ECT2: variants seen among roughly 807,000 people sequenced by gnomAD.
ECT2 encodes the protein epithelial cell transforming 2.
In ECT2, 61 loss-of-function variants were observed where a neutral mutation model predicts 116.9. The observed-to-expected ratio is 0.52, with a 90% confidence interval of 0.42 to 0.65. The LOEUF is 0.65. Among genes scored for constraint, ECT2 ranks in the 30% least tolerant of loss-of-function variants. The pLI is 0.00. For synonymous variants in ECT2, 358 were observed against 346.4 expected, an observed-to-expected ratio of 1.03 and a Z score of -0.37; for missense variants, 937 against 1,078.7, an observed-to-expected ratio of 0.87 and a Z score of 1.84.
At chr3:172,828,776 C>T in the ECT2 span, 2 of 636,036 alleles carry the variant, frequency 3.1e-6, no homozygotes, top group Non-Finnish European at 5.7e-6. Context: ...AACAGAAGAA[C>T]CCCCCATGGC....
Position 172,760,235 on chromosome 3 carries a change from C to T in ECT2, c.656C>T (p.Ala219Val). 1 of 1,611,050 alleles carries T rather than the reference C, an allele frequency of 6.2e-7. No homozygotes were observed. The highest frequency in any genetic ancestry group is 8.5e-7 in the Non-Finnish European group (1 of 1,178,334). ...DFNSKVTHLV[A>V]NCTQGEKFRV... ...AATTCAAAAGTTACACATTTGGTGG[C>T]AAATTGTACACAAGGAGAAAAATTC... The change falls in exon 7 of 25, where the codon GCA (alanine) becomes GTA (valine). Residue 219 changes from alanine (A) to valine (V), a missense_variant. By Grantham distance (64) the Ala-to-Val change is moderately conservative. Coordinates refer to ENST00000392692, the MANE Select transcript of ECT2 (RefSeq NM_001258315.2).
chr3:172,783,664 A>T (rs888273412), intron 15 of ECT2, 135 bp from the exon 16 acceptor site: 3 of 604,950 alleles, frequency 5.0e-6, no homozygotes, highest in East Asian at 6.5e-5. Flanking sequence ...GTTTGTTCTC[A>T]AACATAGAAA....
chr3:172,800,745 T>C (rs1420258278), intron 18 of ECT2, among the ~76,000 whole-genome samples: 2 of 152,192 alleles, frequency 1.3e-5, no homozygotes, highest in Non-Finnish European at 2.9e-5. Flanking sequence ...TGACCACTGC[T>C]TCCTTTTTCT....
intron 8 of ECT2, 68 bp from the exon 9 acceptor site, chr3:172,762,348 G>C (rs554678547): frequency 2.7e-6 from 4 of 1,467,612 alleles, no homozygotes; most frequent in African/African-American, 2.9e-5. Flanking sequence ...CTGTAGGTTT[G>C]TAAATTGATA....
intron 14 of ECT2, among the ~76,000 whole-genome samples, chr3:172,777,742 T>C (rs1721998543): frequency 6.6e-6 from 1 of 152,100 alleles, no homozygotes; most frequent in Admixed American, 6.6e-5. Context: ...CTACAAAAAA[T>C]GCAAAAATTA....
chr3:172,816,938 A>G, intron 24 of ECT2, 101 bp downstream of exon 24: 1 of 937,644 alleles, frequency 1.1e-6, no homozygotes, highest in Non-Finnish European at 1.5e-6. Context: ...ATTTTAAAAA[A>G]ATTTTAATAA....
At chr3:172,822,825 C>G (rs1730742884), downstream of ECT2, among the ~76,000 whole-genome samples, 1 of 151,838 alleles carries the variant, frequency 6.6e-6, no homozygotes, top group African/African-American at 2.4e-5. Context: ...CAGAAAATTA[C>G]CCTCACAAAC....
intron 4 of ECT2, 83 bp downstream of exon 4, chr3:172,755,658 C>T: frequency 1.4e-6 from 1 of 739,788 alleles, no homozygotes; most frequent in Non-Finnish European, 2.1e-6. Flanking sequence ...TGGAATTAGG[C>T]ACAAGGTGTA....
At chr3:172,793,309 C>T (rs987007305) in intron 18 of ECT2, among the ~76,000 whole-genome samples, 12 of 151,594 alleles carry the variant, frequency 7.9e-5, no homozygotes, top group African/African-American at 2.7e-4. Flanking sequence ...GGATTACAGG[C>T]ACGTGCCACC....
At chr3:172,815,792 C>A in intron 23 of ECT2, 81 bp downstream of exon 23, 1 of 888,310 alleles carries the variant, frequency 1.1e-6, no homozygotes, top group Non-Finnish European at 1.8e-6. Context: ...CTGCAAACAC[C>A]AGTATAAAGA....
In ECT2 at chr3:172,790,178, A is replaced by C. The variant is rs533593177; in HGVS notation, c.1907+3604A>C. Among the ~76,000 whole-genome samples the C allele has an allele frequency of 1.6e-4, 25 of 152,224 alleles. 1 individual carries two copies. Among genetic ancestry groups the C allele is most frequent in the Admixed American group, 1.6e-3 (24 of 15,284 alleles). Reference sequence around the variant, plus strand: ...TCATGCTCAGCTTCACCTGCCCGACATATGGTCTTAAATGGCAACCCAGAT... The same window carrying C: ...TCATGCTCAGCTTCACCTGCCCGACCTATGGTCTTAAATGGCAACCCAGAT... On this transcript the variant is annotated intron_variant, in intron 18 of 24. Transcript: ENST00000392692.
At chr3:172,810,136 C>T (rs1226841846) in intron 22 of ECT2, among the ~76,000 whole-genome samples, 2 of 152,064 alleles carry the variant, frequency 1.3e-5, no homozygotes, top group African/African-American at 2.4e-5. Flanking sequence ...GATTTCTGAC[C>T]TCTAATGTCA....
intron 13 of ECT2, among the ~76,000 whole-genome samples, chr3:172,772,023 T>A (rs981360908): frequency 2.0e-5 from 3 of 152,186 alleles, no homozygotes; most frequent in African/African-American, 7.2e-5. Flanking sequence ...TGAGATAGGG[T>A]CTCACTCTGT....
chr3:172,765,260 TG>T (rs1160274546), intron 12 of ECT2, among the ~76,000 whole-genome samples: 2 of 152,210 alleles, frequency 1.3e-5, no homozygotes, highest in Non-Finnish European at 2.9e-5. Flanking sequence ...TCTTTGCTTC[TG>T]TGATATTACT....
the ECT2 span, among the ~76,000 whole-genome samples, chr3:172,827,358 GC>G: frequency 1.1e-4 from 16 of 152,194 alleles, no homozygotes; most frequent in Non-Finnish European, 2.1e-4. Context: ...ATTCACAATA[GC>G]CAAGATATGG....
At chr3:172,782,752 T>C (rs555523170) in intron 15 of ECT2, among the ~76,000 whole-genome samples, 1 of 152,244 alleles carries the variant, frequency 6.6e-6, no homozygotes, top group South Asian at 2.1e-4. Context: ...TATGTCTTCT[T>C]ATCATTTTGC....
the ECT2 span, among the ~76,000 whole-genome samples, chr3:172,828,035 CTTAGA>C: frequency 1.3e-5 from 2 of 151,178 alleles, no homozygotes; most frequent in African/African-American, 4.9e-5. Flanking sequence ...CTGGAGAAAA[CTTAGA>C]TTAAATTCTG....
At chr3:172,826,892 C>A in the ECT2 span, among the ~76,000 whole-genome samples, 1 of 152,146 alleles carries the variant, frequency 6.6e-6, no homozygotes, top group Non-Finnish European at 1.5e-5. Flanking sequence ...GCAAACTACC[C>A]ATCTGCCAAG....
At chr3:172,806,464 C>G (rs1160270363) in intron 21 of ECT2, among the ~76,000 whole-genome samples, 3 of 152,032 alleles carry the variant, frequency 2.0e-5, no homozygotes, top group African/African-American at 7.2e-5. Context: ...ACAGTGTCAT[C>G]TGTTTAATTG....
Sources: allele counts gnomAD v4.1 joint callset (sites outside exome capture counted in the v4.1 genomes callset), GRCh38; gene constraint gnomAD v4.1.1; transcripts MANE v1.5; gene names NCBI Gene and HGNC (gene_info 2026-07-23, HGNC 2026-07-21).